Variants in GALNT7 observed in about 807,000 individuals in gnomAD.
The protein encoded by GALNT7 is N-acetylgalactosaminyltransferase 7.
In GALNT7, 60 loss-of-function variants were observed where a neutral mutation model predicts 82.1. That is an observed-to-expected ratio of 0.73 (90% confidence interval 0.59 to 0.91). GALNT7 has a LOEUF of 0.91. GALNT7 is among the 40% of genes least tolerant of loss of function. GALNT7 has a pLI of 0.00. For synonymous variants in GALNT7, 243 were observed against 275.1 expected, an observed-to-expected ratio of 0.88 and a Z score of 1.15; for missense variants, 660 against 804.2, an observed-to-expected ratio of 0.82 and a Z score of 2.17.
chr4:173,282,242 T>G (rs1046920682), intron 2 of GALNT7, among the ~76,000 whole-genome samples: 4 of 152,212 alleles, frequency 2.6e-5, no homozygotes, highest in Non-Finnish European at 4.4e-5. Context: ...GGGTTTGTTT[T>G]AGGTAAGCCC....
Position 173,292,037 on chromosome 4 carries a change from A to G in GALNT7, c.588-71A>G, listed in dbSNP as rs1736556933. On this transcript the variant is annotated intron_variant, in intron 2 of 11. Transcript: ENST00000265000. The surrounding 1 kb of genome is among the most constrained non-coding windows in gnomAD (Gnocchi z 4.8). ...TCGATAGTATGTAATCCAATCAGCA[A>G]ATATAGTCAGCTTGGAGCCAAGCAG... 1.0e-6 allele frequency: 1 copy of G among 980,866 alleles called. No individual in the cohort carries two copies. Among genetic ancestry groups the G allele is most frequent in the African/African-American group, 1.6e-5 (1 of 60,830 alleles). The allele number at this position is 980,866 out of a possible 1,614,324, so 60.8% of individuals were successfully genotyped here. A position where few individuals can be genotyped will look rare whatever the true frequency, so the allele number is the denominator to read the frequency against.
chr4:173,277,834 T>C (rs924637257), intron 2 of GALNT7, among the ~76,000 whole-genome samples: 1 of 152,224 alleles, frequency 6.6e-6, no homozygotes, highest in Admixed American at 6.5e-5. Flanking sequence ...TTCTTAGTTA[T>C]CTGCAGGAGT....
intron 2 of GALNT7, among the ~76,000 whole-genome samples, chr4:173,281,989 G>C (rs1237459893): frequency 6.6e-6 from 1 of 152,188 alleles, no homozygotes; most frequent in Non-Finnish European, 1.5e-5. Flanking sequence ...ACACAAGGGT[G>C]GGGGTGGAGT....
At chr4:173,177,436 G>A (rs1310298213) in intron 1 of GALNT7, among the ~76,000 whole-genome samples, 3 of 152,202 alleles carry the variant, frequency 2.0e-5, no homozygotes, top group South Asian at 2.1e-4. Context: ...TCATTGGCCA[G>A]AGGGTGGTGT....
chr4:173,221,513 A>G lies in GALNT7; in HGVS notation c.127-26467A>G, dbSNP rs191450569. 9.2e-3 allele frequency among the ~76,000 whole-genome samples: 1,402 copies of G among 152,340 alleles called. 18 individuals carry two copies. The highest frequency in any genetic ancestry group is 0.082 in the Middle Eastern group (24 of 294). On this transcript the variant is annotated intron_variant, in intron 1 of 11. Transcript: ENST00000265000. The stretch of plus-strand genomic sequence containing the variant: ...TAATTCTTTGGTGAGAGACTAATAA[A>G]TGAAATAAAATTATAGGTCTTTTTG...
intron 2 of GALNT7, among the ~76,000 whole-genome samples, chr4:173,284,846 A>G (rs796429566): frequency 7.9e-5 from 12 of 152,332 alleles, no homozygotes; most frequent in African/African-American, 2.9e-4. Flanking sequence ...GAAGCCTTAT[A>G]GACAATCCTA....
chr4:173,222,753 A>T (rs577059661), intron 1 of GALNT7, among the ~76,000 whole-genome samples: 1 of 152,210 alleles, frequency 6.6e-6, no homozygotes, highest in Non-Finnish European at 1.5e-5. Flanking sequence ...TAGCTAATTA[A>T]TGGAAGGCAT....
At chr4:173,178,007 CTGTGTGTGTGTGTGTGTGTGTG>C (rs70944437) in intron 1 of GALNT7, among the ~76,000 whole-genome samples, 62 of 137,726 alleles carry the variant, frequency 4.5e-4, no homozygotes, top group Admixed American at 3.1e-3. Flanking sequence ...ATCCGCAAGT[CTGTGTGTGTGTGTGTGTGTGTG>C]TGTGTGTGTG....
intron 2 of GALNT7, among the ~76,000 whole-genome samples, chr4:173,285,681 T>G (rs1478557307): frequency 6.6e-6 from 1 of 152,232 alleles, no homozygotes; most frequent in African/African-American, 2.4e-5. Context: ...TTTTATAGAC[T>G]TCACATATAT....
At chr4:173,216,727 A>ATATATATATATATATATTT (rs71244915) in intron 1 of GALNT7, among the ~76,000 whole-genome samples, 1 of 12,980 alleles carries the variant, frequency 7.7e-5, no homozygotes, top group African/African-American at 2.8e-4. Context: ...ATATATATAT[A>ATATATATATATATATATTT]TTTTTTTTTT....
intron 1 of GALNT7, among the ~76,000 whole-genome samples, chr4:173,195,774 T>C (rs1407126039): frequency 6.6e-6 from 1 of 152,226 alleles, no homozygotes; most frequent in African/African-American, 2.4e-5. Flanking sequence ...CTTGGTTTAC[T>C]CAGATGCATA....
intron 11 of GALNT7, among the ~76,000 whole-genome samples, chr4:173,319,882 A>T (rs1402488156): frequency 6.6e-5 from 10 of 152,154 alleles, no homozygotes; most frequent in Non-Finnish European, 1.5e-5. Context: ...ACTGCTGAGG[A>T]GTTTCATAGA....
chr4:173,303,170 G>A (rs1737014021), intron 7 of GALNT7, among the ~76,000 whole-genome samples: 3 of 151,996 alleles, frequency 2.0e-5, no homozygotes, highest in South Asian at 4.1e-4. Flanking sequence ...ACTCCAGCCT[G>A]GGGGACAGAG....
In GALNT7 at chr4:173,320,158, A is replaced by G. The variant is rs758967682; in HGVS notation, c.1837-1422A>G. Among the ~76,000 whole-genome samples, 1 of 152,094 alleles carries G rather than the reference A, an allele frequency of 6.6e-6. No individual in the cohort carries two copies. Among genetic ancestry groups the G allele is most frequent in the South Asian group, 2.1e-4 (1 of 4,826 alleles). The stretch of plus-strand genomic sequence containing the variant: ...GAAAATAATTCTGGAAACGTGAGGT[A>G]TGGACTGATGAAGCAACGAGATCAG... On this transcript the variant is annotated intron_variant, in intron 11 of 11. Transcript: ENST00000265000. The surrounding 1 kb of genome is among the most constrained non-coding windows in gnomAD (Gnocchi z 4.1).
chr4:173,269,527 A>G (rs1735643362), intron 2 of GALNT7, among the ~76,000 whole-genome samples: 1 of 152,242 alleles, frequency 6.6e-6, no homozygotes, highest in Non-Finnish European at 1.5e-5. Flanking sequence ...GTGCTGAAAT[A>G]GTCTCTGCTG....
At chr4:173,184,775 G>A (rs980495165) in intron 1 of GALNT7, among the ~76,000 whole-genome samples, 1 of 151,912 alleles carries the variant, frequency 6.6e-6, no homozygotes, top group African/African-American at 2.4e-5. Context: ...GAGGGTTTTC[G>A]GTACTTTGAA....
intron 1 of GALNT7, among the ~76,000 whole-genome samples, chr4:173,201,887 A>G (rs1732956645): frequency 6.6e-6 from 1 of 152,198 alleles, no homozygotes. Context: ...TAGATTTTAT[A>G]GTTTTGAAAA....
At chr4:173,225,243 C>A (rs1157295492) in intron 1 of GALNT7, among the ~76,000 whole-genome samples, 1 of 152,056 alleles carries the variant, frequency 6.6e-6, no homozygotes, top group Non-Finnish European at 1.5e-5. Flanking sequence ...TCCCTCCCCT[C>A]TTTTTTCCTT....
intron 1 of GALNT7, 73 bp downstream of exon 1, chr4:173,169,034 G>T (rs1034243494): frequency 2.0e-6 from 3 of 1,496,220 alleles, no homozygotes; most frequent in Non-Finnish European, 2.7e-6. Context: ...TGTGGAGGGA[G>T]CAGGGGCGGC....
Sources: allele counts gnomAD v4.1 joint callset (sites outside exome capture counted in the v4.1 genomes callset), GRCh38; gene constraint gnomAD v4.1.1; non-coding constraint Gnocchi (gnomAD v3.1); transcripts MANE v1.5; gene names NCBI Gene and HGNC (gene_info 2026-07-23, HGNC 2026-07-21).